The following ZMAT4 variants were observed in gnomAD, a reference collection of about 807,000 sequenced individuals.
ZMAT4 encodes the protein zinc finger matrin-type protein 4.
ZMAT4 carries 17 observed loss-of-function variants against 28.7 expected under a neutral mutation model. The observed-to-expected ratio is 0.59, with a 90% CI of 0.41 to 0.89. The LOEUF is 0.89. ZMAT4 is among the 40% of genes least tolerant of loss of function. ZMAT4 has a pLI of 0.00. For missense variants in ZMAT4, 240 were observed against 283.8 expected, an observed-to-expected ratio of 0.85 and a Z score of 1.11; for synonymous variants, 117 against 109.2, an observed-to-expected ratio of 1.07 and a Z score of -0.44.
rs187236161 is a variant in ZMAT4 at position 40,773,035 on chromosome 8, T to C, written c.103-5305A>G. ...TCCCAGGGATGAGCCCTGGAAAAGG[T>C]GCAGCATGGTCTCACTAGGAGGCAG... is the stretch of plus-strand genomic sequence containing the variant. On this transcript the variant is annotated intron_variant, in intron 2 of 6. Coordinates refer to ENST00000297737, the MANE Select transcript of ZMAT4 (RefSeq NM_024645.3). 4.6e-5 allele frequency among the ~76,000 whole-genome samples: 7 copies of C among 152,242 alleles called. No homozygotes were observed. The East Asian group carries it at 1.4e-3, about 29-fold the overall frequency.
intron 6 of ZMAT4, among the ~76,000 whole-genome samples, chr8:40,558,276 G>A (rs1218571715): frequency 2.6e-5 from 4 of 152,186 alleles, no homozygotes; most frequent in South Asian, 4.1e-4. Flanking sequence ...GATTGCCAGC[G>A]GAGGGGACTA....
At chr8:40,662,381 A>G (rs2118859482) in intron 5 of ZMAT4, among the ~76,000 whole-genome samples, 1 of 152,290 alleles carries the variant, frequency 6.6e-6, no homozygotes, top group Admixed American at 6.5e-5. Flanking sequence ...CATATTTCAA[A>G]TATAGGGCTG....
intron 2 of ZMAT4, among the ~76,000 whole-genome samples, chr8:40,772,445 A>G (rs1563473846): frequency 6.6e-6 from 1 of 152,206 alleles, no homozygotes. Flanking sequence ...TTTTTGCCTC[A>G]CCTAAATAAC....
At chr8:40,834,179 G>C (rs901207746) in intron 1 of ZMAT4, among the ~76,000 whole-genome samples, 1 of 152,232 alleles carries the variant, frequency 6.6e-6, no homozygotes, top group Non-Finnish European at 1.5e-5. Flanking sequence ...AGAGCTGTCA[G>C]TCTCACATGG....
At chr8:40,846,376 G>C (rs577969561) in intron 1 of ZMAT4, among the ~76,000 whole-genome samples, 133 of 152,274 alleles carry the variant, frequency 8.7e-4, no homozygotes, top group African/African-American at 3.2e-3. Context: ...GAGCAAAGGC[G>C]CAGAGCTCAG....
At chr8:40,789,426 A>T (rs1301950731) in intron 2 of ZMAT4, among the ~76,000 whole-genome samples, 1 of 152,228 alleles carries the variant, frequency 6.6e-6, no homozygotes, top group African/African-American at 2.4e-5. Flanking sequence ...GTGCATCAAA[A>T]TTGCAAAATG....
chr8:40,616,536 C>A (rs7827324), intron 5 of ZMAT4, among the ~76,000 whole-genome samples: 28,096 of 151,978 alleles, frequency 0.18, 3,961 homozygotes, highest in East Asian at 0.57. Flanking sequence ...CACATATACA[C>A]CATGGAATAC....
chr8:40,586,651 T>C (rs1804680113), intron 5 of ZMAT4, among the ~76,000 whole-genome samples: 1 of 152,194 alleles, frequency 6.6e-6, no homozygotes, highest in Non-Finnish European at 1.5e-5. Flanking sequence ...ACATGACTAC[T>C]CAATATGTCT....
At chr8:40,820,509 T>C (rs1442324746) in intron 2 of ZMAT4, among the ~76,000 whole-genome samples, 3 of 151,422 alleles carry the variant, frequency 2.0e-5, no homozygotes, top group East Asian at 2.0e-4. Context: ...TGTATGTGTG[T>C]ATTGGTGTGT....
chr8:40,759,795 A>C (rs1341599556), intron 3 of ZMAT4, among the ~76,000 whole-genome samples: 1 of 152,142 alleles, frequency 6.6e-6, no homozygotes. Context: ...TAAATCTCCC[A>C]TCCTTTTCTG....
chr8:40,532,612 G>T (rs1429967), intron 6 of ZMAT4, among the ~76,000 whole-genome samples: 1 of 152,064 alleles, frequency 6.6e-6, no homozygotes, highest in African/African-American at 2.4e-5. Context: ...GTTGAAAGTG[G>T]AGAGCAACAT....
intron 5 of ZMAT4, among the ~76,000 whole-genome samples, chr8:40,618,076 T>G (rs1442096641): frequency 6.6e-6 from 1 of 152,220 alleles, no homozygotes. Flanking sequence ...GACTCATCAT[T>G]GCTTTCTGTA....
Position 40,674,757 on chromosome 8 carries a change from C to G in ZMAT4, c.524G>C (p.Arg175Thr). Reference protein sequence around the residue: ...DGKKHKKNAARVALLEQLGTT... With the variant: ...DGKKHKKNAATVALLEQLGTT... ...CCCCAGTTGTTCTAACAAAGCAACT[C>G]TTGCCGCATTCTTTTTGTGTTTCTT... Residue 175 changes from arginine (R) to threonine (T), a missense_variant, in exon 5 of 7, where the codon AGA becomes ACA. Transcript: ENST00000297737. 1 of 1,614,032 alleles carries G rather than the reference C, an allele frequency of 6.2e-7. No homozygotes were observed. The highest frequency in any genetic ancestry group is 8.5e-7 in the Non-Finnish European group (1 of 1,179,920).
intron 3 of ZMAT4, among the ~76,000 whole-genome samples, chr8:40,728,848 C>A (rs999623421): frequency 2.0e-5 from 3 of 152,122 alleles, no homozygotes; most frequent in Non-Finnish European, 4.4e-5. Context: ...GTGTAGTCAA[C>A]CCGCCATTCC....
At chr8:40,735,959 A>T (rs1408498924) in intron 3 of ZMAT4, among the ~76,000 whole-genome samples, 1 of 152,180 alleles carries the variant, frequency 6.6e-6, no homozygotes, top group African/African-American at 2.4e-5. Flanking sequence ...TAGATCTTTC[A>T]AATTCAGTCT....
intron 2 of ZMAT4, among the ~76,000 whole-genome samples, chr8:40,773,042 T>C (rs1813446280): frequency 6.6e-6 from 1 of 152,224 alleles, no homozygotes; most frequent in African/African-American, 2.4e-5. Flanking sequence ...AGGTGCAGCA[T>C]GGTCTCACTA....
chr8:40,713,921 C>CAAAAAAAAAAAAAAAAA (rs532317102), intron 3 of ZMAT4, among the ~76,000 whole-genome samples: 7 of 49,940 alleles, frequency 1.4e-4, no homozygotes, highest in Admixed American at 7.3e-4. Flanking sequence ...AAAACAAAAC[C>CAAAAAAAAAAAAAAAAA]AAAAAAAAAA....
chr8:40,636,155 G>C (rs1388993746), intron 5 of ZMAT4, among the ~76,000 whole-genome samples: 1 of 152,234 alleles, frequency 6.6e-6, no homozygotes, highest in Admixed American at 6.5e-5. Context: ...TTTTAATTCA[G>C]TGGACGTGAG....
At chr8:40,871,265 C>T (rs1817846169) in intron 1 of ZMAT4, among the ~76,000 whole-genome samples, 1 of 152,290 alleles carries the variant, frequency 6.6e-6, no homozygotes, top group East Asian at 1.9e-4. Context: ...AAGATTAGTA[C>T]AATTCTATGA....
Sources: allele counts gnomAD v4.1 joint callset (sites outside exome capture counted in the v4.1 genomes callset), GRCh38; gene constraint gnomAD v4.1.1; transcripts MANE v1.5; gene names NCBI Gene and HGNC (gene_info 2026-07-23, HGNC 2026-07-21).